MAP3K12: variants seen among roughly 807,000 people sequenced by gnomAD.
The protein encoded by MAP3K12 is MAPK-upstream kinase.
In MAP3K12, 14 loss-of-function variants were observed where a neutral mutation model predicts 87.5. The ratio of observed to expected loss-of-function variants is 0.16; its 90% CI spans 0.11 to 0.25. The LOEUF (loss-of-function observed/expected upper bound fraction) is 0.25, where lower values mean the gene tolerates loss of function less well. Ranked by LOEUF, MAP3K12 falls within the 10% of genes least tolerant of loss-of-function variation. The probability of loss-of-function intolerance (pLI) is 1.00; values close to 1 mark genes in which losing one functional copy is unlikely to be tolerated. For missense variants in MAP3K12, 802 were observed against 1,140.4 expected (o/e 0.70, Z 4.27); for synonymous variants, 469 against 452.5 (o/e 1.04, Z -0.46).
intron 4 of MAP3K12, chr12:53,485,778 G>C (rs1464710809): frequency 7.8e-6 from 4 of 514,192 alleles, no homozygotes; most frequent in Non-Finnish European, 1.4e-5. Context: ...GGATGGTCTC[G>C]ATCTCTTGAC....
intron 1 of MAP3K12, among the ~76,000 whole-genome samples, chr12:53,491,890 A>G (rs1278329441): frequency 6.6e-6 from 1 of 151,274 alleles, no homozygotes; most frequent in Non-Finnish European, 1.5e-5. Context: ...CCTGGGGAAC[A>G]TGGGGAGAGC....
chr12:53,498,908 C>CCGTGTGTGTGTGTGTGTGTGTG (rs1943599568), intron 1 of MAP3K12, among the ~76,000 whole-genome samples: 1 of 108,358 alleles, frequency 9.2e-6, no homozygotes, highest in African/African-American at 3.8e-5. Context: ...GTCCAGCCTG[C>CCGTGTGTGTGTGTGTGTGTGTG]TGTGTGTGTG....
In MAP3K12 at chr12:53,483,106, C is replaced by T; in HGVS notation, c.1697G>A (p.Gly566Asp). 6.6e-7 allele frequency: 1 copy of T among 1,523,574 alleles called. No individual in the cohort carries two copies. Among genetic ancestry groups the T allele is most frequent in the Non-Finnish European group, 8.8e-7 (1 of 1,138,004 alleles). 94.4% of individuals were successfully genotyped at this position (1,523,574 alleles called of 1,614,324 possible). ...SGVGLPGCPK[G>D]PPSPGRSRRG... is the part of the protein sequence containing the mutation. ...GCGACTCCGTCCTGGTGAGGGGGGG[C>T]CCTTAGGACACCCAGGAAGCCCCAC... The change falls in exon 11 of 14, where the codon GGC becomes GAC. Residue 566 changes from glycine (G) to aspartate (D), a missense_variant. Physicochemically the swap from Gly to Asp is moderately conservative, Grantham distance 94. This residue lies in a region of MAP3K12 where 490 missense variants were observed against 496.6 expected (regional missense o/e 0.99). Coordinates refer to ENST00000547488, the MANE Select transcript of MAP3K12 (RefSeq NM_001193511.2).
Position 53,486,838 on chromosome 12 carries a change from G to C in MAP3K12, c.445+109C>G, listed in dbSNP as rs535248333. On this transcript the variant is annotated intron_variant, in intron 2 of 13. Coordinates refer to ENST00000547488, the MANE Select transcript of MAP3K12 (RefSeq NM_001193511.2). This position sits in a 1 kb window ranked among gnomAD's most constrained non-coding sequence, Gnocchi z 4.9. ...GGCTGATGGATGGCTAAGGGACTAGGGCTGGGCCATGGGGAGGGAAGGGAC... is the reference window on the plus strand; with the variant it reads ...GGCTGATGGATGGCTAAGGGACTAGCGCTGGGCCATGGGGAGGGAAGGGAC... 3 of 1,553,294 alleles carry C rather than the reference G, an allele frequency of 1.9e-6. No homozygotes were observed. In the Admixed American group the frequency reaches 5.5e-5, roughly 28 times the overall value.
At chr12:53,500,041 G>T (rs899013874), upstream of MAP3K12, 1 of 152,198 alleles carries the variant, frequency 6.6e-6, no homozygotes, top group Non-Finnish European at 1.5e-5. Flanking sequence ...GAATTCACTC[G>T]GCTCTAGGCC....
intron 6 of MAP3K12, chr12:53,484,586 A>G (rs1194234140): frequency 9.6e-6 from 5 of 523,436 alleles, no homozygotes; most frequent in Non-Finnish European, 1.3e-5. Flanking sequence ...ATATTTTCCA[A>G]CTTGTCTCCC....
intron 1 of MAP3K12, among the ~76,000 whole-genome samples, chr12:53,494,781 G>A (rs1943505316): frequency 6.6e-6 from 1 of 152,138 alleles, no homozygotes; most frequent in Non-Finnish European, 1.5e-5. Context: ...GGAGACCCAA[G>A]ACTTTGGAGT....
intron 4 of MAP3K12, 68 bp downstream of exon 4, chr12:53,485,988 G>A (rs1943218112): frequency 2.0e-6 from 3 of 1,466,270 alleles, no homozygotes; most frequent in African/African-American, 2.8e-5. Context: ...TGGAAGCCGG[G>A]AGAAGGCCAC....
At position 53,481,119 on chromosome 12, in the gene MAP3K12, ATATATG is replaced by A. The variant is rs1213787659; in HGVS notation, c.*57_*62del. 1.3e-5 allele frequency: 8 copies of A among 606,530 alleles called. No individual in the cohort carries two copies. Among genetic ancestry groups the A allele is most frequent in the Admixed American group, 1.0e-4 (2 of 19,558 alleles). The allele number at this position is 606,530 out of a possible 1,614,324, so 37.6% of individuals were successfully genotyped here. On this transcript the variant is annotated 3_prime_UTR_variant, in exon 14 of 14. Coordinates refer to ENST00000547488, the MANE Select transcript of MAP3K12 (RefSeq NM_001193511.2). ...TTGATTATGTGGCGCATATATATATATATATGTATATATATATAATTTATATAAATA... is the reference window on the plus strand; with the variant it reads ...TTGATTATGTGGCGCATATATATATATATATATATATAATTTATATAAATA...
Position 53,486,233 on chromosome 12 carries a change from T to C in MAP3K12, c.644A>G (p.Gln215Arg). The change falls in exon 4 of 14, where the codon CAG (glutamine) becomes CGG (arginine). Residue 215 changes from glutamine to arginine, a missense_variant. This residue lies in a region of MAP3K12 where 57 missense variants were observed against 161.8 expected (regional missense o/e 0.35). Transcript: ENST00000547488. This position sits in a 1 kb window ranked among gnomAD's most constrained non-coding sequence, Gnocchi z 4.9. ...CATGAGGATGCAGTAGCAGGGAGCC[T>C]GGGTGCACACACCCCTGGGAGCCAA... Reference protein sequence around the residue: ...NIITFKGVCTQAPCYCILMEF... With the variant: ...NIITFKGVCTRAPCYCILMEF... The C allele has an allele frequency of 6.2e-7, 1 of 1,607,630 alleles. No individual in the cohort carries two copies. The highest frequency in any genetic ancestry group is 8.5e-7 in the Non-Finnish European group (1 of 1,176,470).
chr12:53,499,432 G>A lies in MAP3K12; in HGVS notation c.-43C>T, dbSNP rs1458717617. On this transcript the variant is annotated 5_prime_UTR_variant, in exon 1 of 14. Transcript: ENST00000547488. ...CAACTCGGCCAGGCTCTCACCTCGG[G>A]GGCTCCGCGGCCGCAGCACAAAAGG... The A allele has an allele frequency of 6.8e-6, 1 of 146,074 alleles. No individual in the cohort carries two copies. Among genetic ancestry groups the A allele is most frequent in the African/African-American group, 2.6e-5 (1 of 38,742 alleles). The allele number at this position is 146,074 out of a possible 1,614,324, so 9.0% of individuals were successfully genotyped here.
chr12:53,487,492 T>A, intron 1 of MAP3K12, 64 bp from the exon 2 acceptor site: 1 of 1,485,988 alleles, frequency 6.7e-7, no homozygotes, highest in Non-Finnish European at 9.0e-7. Context: ...CTCAGGACAC[T>A]TATCCCAGAG....
At chr12:53,491,632 A>C (rs1046657112) in intron 1 of MAP3K12, among the ~76,000 whole-genome samples, 2 of 151,532 alleles carry the variant, frequency 1.3e-5, no homozygotes, top group African/African-American at 2.4e-5. Flanking sequence ...ACCGGGTTTC[A>C]CCGTGTTAGC....
Position 53,482,695 on chromosome 12 carries a change from C to T in MAP3K12, c.2108G>A (p.Gly703Glu). Residue 703 changes from glycine (G) to glutamate (E), a missense_variant, in exon 11 of 14, where the codon GGG (glycine) becomes GAG (glutamate). By Grantham distance (98) the Gly-to-Glu change is moderately conservative. Coordinates refer to ENST00000547488, the MANE Select transcript of MAP3K12 (RefSeq NM_001193511.2). ...GAKGEPPPPV[G>E]PGEGVGLLGT... ...CAGAAGCCCCACACCTTCACCAGGC[C>T]CTACTGGAGGAGGTGGTTCCCCTTT... 1 of 1,613,970 alleles carries T rather than the reference C, an allele frequency of 6.2e-7. No homozygotes were observed. Among genetic ancestry groups the T allele is most frequent in the Non-Finnish European group, 8.5e-7 (1 of 1,180,016 alleles).
In MAP3K12 at chr12:53,485,197, A is replaced by G; in HGVS notation, c.998T>C (p.Leu333Pro). The change falls in exon 6 of 14, where the codon CTA becomes CCA. Residue 333 changes from leucine to proline, a missense_variant. Leu to Pro is a moderately conservative substitution (Grantham distance 98, BLOSUM62 -3). Around this residue, in one of 5 missense-constraint regions of MAP3K12, gnomAD observed 21 missense variants for 136.9 expected, o/e 0.15. Transcript: ENST00000547488. ...KVDIWSFGVVLWELLTGEIPY... is the reference protein window; with the variant it reads ...KVDIWSFGVVPWELLTGEIPY... ...GATCTCACCAGTCAGCAGTTCCCAT[A>G]GCACCACGCCAAAGGACCTAGGGAT... 1 of 1,612,984 alleles carries G rather than the reference A, an allele frequency of 6.2e-7. No individual in the cohort carries two copies. Among genetic ancestry groups the G allele is most frequent in the Non-Finnish European group, 8.5e-7 (1 of 1,179,268 alleles).
chr12:53,498,311 A>AT (rs1479664909), intron 1 of MAP3K12, among the ~76,000 whole-genome samples: 1 of 152,124 alleles, frequency 6.6e-6, no homozygotes, highest in Non-Finnish European at 1.5e-5. Context: ...TGAAACTCAG[A>AT]GCTCCTAGAG....
intron 1 of MAP3K12, among the ~76,000 whole-genome samples, chr12:53,492,489 C>T (rs1276080410): frequency 6.6e-6 from 1 of 152,120 alleles, no homozygotes; most frequent in Non-Finnish European, 1.5e-5. Context: ...ACAAAACTAG[C>T]TCCCTGAATC....
At chr12:53,487,554 T>G (rs1943264850) in intron 1 of MAP3K12, 126 bp from the exon 2 acceptor site, 1 of 913,624 alleles carries the variant, frequency 1.1e-6, no homozygotes, top group African/African-American at 1.7e-5. Context: ...GTAACACTTG[T>G]GGCTCCGTTT....
intron 13 of MAP3K12, 124 bp downstream of exon 13, chr12:53,481,817 G>C (rs1404912089): frequency 5.8e-6 from 7 of 1,211,526 alleles, no homozygotes; most frequent in African/African-American, 1.5e-5. Context: ...CCACCACGTG[G>C]ATATTTGCTC....
Sources: allele counts gnomAD v4.1 joint callset (sites outside exome capture counted in the v4.1 genomes callset), GRCh38; gene constraint gnomAD v4.1.1; regional missense constraint gnomAD v4.1.1; non-coding constraint Gnocchi (gnomAD v3.1); transcripts MANE v1.5; gene names NCBI Gene and HGNC (gene_info 2026-07-23, HGNC 2026-07-21).